Variants in IQCM observed in about 807,000 individuals in gnomAD.
IQCM encodes the protein IQ domain-containing protein M.
In IQCM, 45 loss-of-function variants were observed where a neutral mutation model predicts 57.6. That is an observed-to-expected ratio of 0.78 (90% CI 0.62 to 1.00). The LOEUF (loss-of-function observed/expected upper bound fraction) is 1.00, where lower values mean the gene tolerates loss of function less well. Among genes scored for constraint, IQCM ranks in the 50% least tolerant of loss-of-function variants. IQCM has a pLI of 0.00. For missense variants in IQCM, 468 were observed against 511.6 expected, an observed-to-expected ratio of 0.91 and a Z score of 0.82; for synonymous variants, 148 against 158.9, an observed-to-expected ratio of 0.93 and a Z score of 0.51.
At chr4:149,680,629 A>G (rs1374276739) in intron 7 of IQCM, among the ~76,000 whole-genome samples, 2 of 151,414 alleles carry the variant, frequency 1.3e-5, no homozygotes, top group African/African-American at 4.8e-5. Flanking sequence ...TGGAATAAGT[A>G]TAAGGAGTCT....
intron 12 of IQCM, among the ~76,000 whole-genome samples, chr4:149,543,882 G>A (rs1445595967): frequency 6.6e-6 from 1 of 152,126 alleles, no homozygotes; most frequent in East Asian, 1.9e-4. Context: ...AGCACAAAGT[G>A]ATGTAGATGC....
At chr4:149,573,302 T>C (rs539037468) in intron 9 of IQCM, among the ~76,000 whole-genome samples, 2 of 151,688 alleles carry the variant, frequency 1.3e-5, no homozygotes, top group South Asian at 4.2e-4. Flanking sequence ...TTATATTAAC[T>C]AAGTGTTTCT....
intron 13 of IQCM, among the ~76,000 whole-genome samples, chr4:149,430,300 G>T (rs1054603478): frequency 6.6e-6 from 1 of 151,760 alleles, no homozygotes; most frequent in Non-Finnish European, 1.5e-5. Context: ...CAAAATAAAA[G>T]CTTCCCTACC....
At chr4:149,522,171 T>C (rs1745718578) in intron 12 of IQCM, among the ~76,000 whole-genome samples, 1 of 152,176 alleles carries the variant, frequency 6.6e-6, no homozygotes, top group Admixed American at 6.5e-5. Flanking sequence ...AGAGTTATTC[T>C]AGTTCCTCTG....
chr4:149,366,279 A>G (rs1729829246), intron 13 of IQCM, among the ~76,000 whole-genome samples: 1 of 152,016 alleles, frequency 6.6e-6, no homozygotes, highest in African/African-American at 2.4e-5. Context: ...GCTTGTGAAA[A>G]CCTAGGGTAC....
chr4:149,371,960 A>T (rs1188012722), intron 13 of IQCM, among the ~76,000 whole-genome samples: 2 of 151,918 alleles, frequency 1.3e-5, no homozygotes, highest in Non-Finnish European at 2.9e-5. Context: ...CTCAAGCTTT[A>T]AAAAAAATTG....
chr4:149,772,589 T>TA (rs936804330), intron 2 of IQCM, among the ~76,000 whole-genome samples: 4 of 152,072 alleles, frequency 2.6e-5, no homozygotes, highest in East Asian at 3.9e-4. Context: ...TCAAGATGAC[T>TA]AAAAAAAACT....
At chr4:149,716,670 A>G (rs1054166761) in intron 5 of IQCM, among the ~76,000 whole-genome samples, 2 of 152,122 alleles carry the variant, frequency 1.3e-5, no homozygotes, top group Admixed American at 6.5e-5. Context: ...TGCCATTGCT[A>G]TTGTATGTCT....
At chr4:149,641,824 T>C (rs1201328823) in intron 7 of IQCM, among the ~76,000 whole-genome samples, 2 of 152,268 alleles carry the variant, frequency 1.3e-5, no homozygotes, top group South Asian at 2.1e-4. Context: ...ACTCCAATTT[T>C]TAAAACATAT....
intron 13 of IQCM, among the ~76,000 whole-genome samples, chr4:149,380,983 G>GA (rs1731039165): frequency 1.3e-5 from 2 of 152,162 alleles, no homozygotes; most frequent in African/African-American, 4.8e-5. Context: ...ATGTGTAACA[G>GA]TCATTTCAAA....
rs890463094 is a variant in IQCM at position 149,451,261 on chromosome 4, A to C, written c.1229-17704T>G. The stretch of plus-strand genomic sequence containing the variant: ...AAAATAAAAAGAATAAATAAGTCCT[A>C]GTATTTGACAGCACAACAGGGTGAC... On this transcript the variant is annotated intron_variant, in intron 12 of 13. Coordinates refer to ENST00000636793, the MANE Select transcript of IQCM (RefSeq NM_001363507.2). Among the ~76,000 whole-genome samples, 3 of 151,856 alleles carry C rather than the reference A, an allele frequency of 2.0e-5. No homozygotes were observed. The Admixed American group carries it at 2.0e-4, about 10-fold the overall frequency.
chr4:149,706,298 T>TA (rs1280988679), intron 5 of IQCM, among the ~76,000 whole-genome samples: 3 of 151,882 alleles, frequency 2.0e-5, no homozygotes, highest in East Asian at 1.9e-4. Flanking sequence ...TTTAAGGATA[T>TA]AAAAAAATCT....
chr4:149,542,702 T>G (rs919696394), intron 12 of IQCM, among the ~76,000 whole-genome samples: 4 of 152,110 alleles, frequency 2.6e-5, no homozygotes, highest in Non-Finnish European at 4.4e-5. Context: ...GTTTAATATT[T>G]AAACATTTTC....
At chr4:149,498,348 G>C (rs1313271949) in intron 12 of IQCM, among the ~76,000 whole-genome samples, 1 of 152,156 alleles carries the variant, frequency 6.6e-6, no homozygotes, top group Non-Finnish European at 1.5e-5. Context: ...ACTGAGACAA[G>C]TGGTAGAAGA....
Position 149,366,067 on chromosome 4 carries a change from T to C in IQCM, c.1391-14001A>G, listed in dbSNP as rs145331873. On this transcript the variant is annotated intron_variant, in intron 13 of 13. Coordinates refer to ENST00000636793, the MANE Select transcript of IQCM (RefSeq NM_001363507.2). The stretch of plus-strand genomic sequence containing the variant: ...TAGGGGAGGGAATTCTGTATTATCT[T>C]TGTAAGTCTTCTATAAATCTAAAAT... Among the ~76,000 whole-genome samples, 370 of 152,216 alleles carry C rather than the reference T, an allele frequency of 2.4e-3. 13 individuals carry two copies. In the East Asian group the frequency reaches 0.055, roughly 22 times the overall value.
chr4:149,655,675 T>C (rs1021147308), intron 7 of IQCM, among the ~76,000 whole-genome samples: 1 of 152,078 alleles, frequency 6.6e-6, no homozygotes, highest in Admixed American at 6.6e-5. Flanking sequence ...ATTGATAAAC[T>C]TGTAAGAATG....
At chr4:149,530,838 G>T (rs1746674233) in intron 12 of IQCM, among the ~76,000 whole-genome samples, 1 of 114,504 alleles carries the variant, frequency 8.7e-6, no homozygotes. Flanking sequence ...ATTGCGTTCA[G>T]TTAACATCAT....
chr4:149,435,501 C>T (rs1001953808), intron 12 of IQCM, among the ~76,000 whole-genome samples: 1 of 151,284 alleles, frequency 6.6e-6, no homozygotes, highest in Non-Finnish European at 1.5e-5. Flanking sequence ...TCATAAATGG[C>T]TGTTAGTGGT....
intron 13 of IQCM, among the ~76,000 whole-genome samples, chr4:149,369,761 G>C (rs192493842): frequency 1.3e-5 from 2 of 152,048 alleles, no homozygotes; most frequent in Admixed American, 1.3e-4. Flanking sequence ...ATAATCTTTT[G>C]GGTTCTAATT....
Sources: allele counts gnomAD v4.1 joint callset (sites outside exome capture counted in the v4.1 genomes callset), GRCh38; gene constraint gnomAD v4.1.1; transcripts MANE v1.5; gene names NCBI Gene and HGNC (gene_info 2026-07-23, HGNC 2026-07-21).